EIF2D: variants seen among roughly 807,000 people sequenced by gnomAD.
EIF2D encodes the protein eukaryotic translation initiation factor 2D.
In EIF2D, 56 loss-of-function variants were observed where a neutral mutation model predicts 77.4. That is an observed-to-expected ratio of 0.72 (90% CI 0.58 to 0.90). The LOEUF (loss-of-function observed/expected upper bound fraction) is 0.90. Ranked by LOEUF, EIF2D falls within the 40% of genes least tolerant of loss-of-function variation. The pLI is 0.00. For missense variants in EIF2D, 574 were observed against 706.5 expected (o/e 0.81, Z 2.13); for synonymous variants, 230 against 271.0 (o/e 0.85, Z 1.49).
Position 206,598,889 on chromosome 1 carries a change from C to T in EIF2D, c.1292+114G>A, listed in dbSNP as rs908288278. 8.7e-6 allele frequency: 9 copies of T among 1,035,984 alleles called. No individual in the cohort carries two copies. In the African/African-American group the frequency reaches 9.5e-5, roughly 11 times the overall value. 64.2% of individuals were successfully genotyped at this position (1,035,984 alleles called of 1,614,324 possible). Reference sequence around the variant, plus strand: ...TTTGGAAACCACTGATCTTAATTACCTCTAAGATGCTATGGTTTTCTATTC... The same window carrying T: ...TTTGGAAACCACTGATCTTAATTACTTCTAAGATGCTATGGTTTTCTATTC... On this transcript the variant is annotated intron_variant, in intron 11 of 14. Coordinates refer to ENST00000271764, the MANE Select transcript of EIF2D (RefSeq NM_006893.3).
At chr1:206,593,506 A>AGT (rs1286437460) in intron 14 of EIF2D, 113 bp downstream of exon 14, 145 of 442,736 alleles carry the variant, frequency 3.3e-4, no homozygotes, top group African/African-American at 3.0e-3. Context: ...AGAGAGAGAG[A>AGT]GAGTGTGTGT....
At chr1:206,587,069 C>G (rs1056266621), downstream of EIF2D, 2 of 1,482,842 alleles carry the variant, frequency 1.3e-6, no homozygotes, top group Non-Finnish European at 1.8e-6. Flanking sequence ...CAGGACATCT[C>G]TGGCAGGTGC....
At chr1:206,582,386 T>G (rs1668926039) in intron 2 of EIF2D, among the ~76,000 whole-genome samples, 1 of 152,140 alleles carries the variant, frequency 6.6e-6, no homozygotes, top group South Asian at 2.1e-4. Flanking sequence ...GACCTGGAAT[T>G]TCTGTTTCAT....
chr1:206,583,376 A>G, intron 2 of EIF2D: 5 of 1,605,958 alleles, frequency 3.1e-6, no homozygotes, highest in Non-Finnish European at 4.3e-6. Flanking sequence ...TGGGCATGAA[A>G]CTGGTAAGCG....
intron 12 of EIF2D, among the ~76,000 whole-genome samples, chr1:206,596,615 T>C (rs1026609130): frequency 6.6e-6 from 1 of 152,238 alleles, no homozygotes; most frequent in Non-Finnish European, 1.5e-5. Flanking sequence ...TCCCCAGCCT[T>C]CTTTTGCTTC....
intron 5 of EIF2D, 131 bp from the exon 6 acceptor site, chr1:206,603,335 GA>G: frequency 1.6e-6 from 2 of 1,261,112 alleles, no homozygotes; most frequent in Non-Finnish European, 2.2e-6. Flanking sequence ...AGGGGGCAGA[GA>G]GCCTGTGCCC....
At chr1:206,607,867 T>C (rs1317551506) in intron 4 of EIF2D, among the ~76,000 whole-genome samples, 2 of 152,318 alleles carry the variant, frequency 1.3e-5, no homozygotes, top group East Asian at 3.9e-4. Context: ...GTTAATTTCT[T>C]AGTTGTAATA....
chr1:206,583,442 C>A, intron 2 of EIF2D: 1 of 1,106,608 alleles, frequency 9.0e-7, no homozygotes, highest in Non-Finnish European at 1.4e-6. Context: ...TTTGGCGCCT[C>A]TGCCCTCACT....
intron 2 of EIF2D, chr1:206,585,138 C>T: frequency 6.6e-7 from 1 of 1,520,046 alleles, no homozygotes; most frequent in Non-Finnish European, 9.1e-7. Flanking sequence ...CCCCGCCCTT[C>T]TTTTCTGGGA....
intron 2 of EIF2D, chr1:206,585,983 T>TG (rs1553407569): frequency 6.6e-6 from 1 of 152,260 alleles, no homozygotes; most frequent in Non-Finnish European, 1.5e-5. Context: ...AGAATATGTT[T>TG]GGAAAAAGTA....
chr1:206,598,862 G>A (rs1457674714), intron 11 of EIF2D, 141 bp downstream of exon 11: 13 of 775,566 alleles, frequency 1.7e-5, no homozygotes, highest in African/African-American at 3.5e-5. Context: ...CACAGCCCAT[G>A]GTTTGGAAAC....
intron 11 of EIF2D, among the ~76,000 whole-genome samples, 200 bp downstream of exon 11, chr1:206,598,803 T>C (rs1553410671): frequency 1.3e-5 from 2 of 151,312 alleles, no homozygotes; most frequent in East Asian, 3.9e-4. Context: ...CGGTAGTCAA[T>C]GTTGATCGTA....
chr1:206,607,585 C>T (rs1361659673), intron 4 of EIF2D, among the ~76,000 whole-genome samples: 1 of 151,906 alleles, frequency 6.6e-6, no homozygotes, highest in Non-Finnish European at 1.5e-5. Context: ...AGAGTGAGAT[C>T]CTGTCTGTAT....
chr1:206,610,150 T>C lies in EIF2D; in HGVS notation c.248-691A>G, dbSNP rs532303195. Among the ~76,000 whole-genome samples the C allele has an allele frequency of 1.4e-4, 22 of 152,340 alleles. No individual in the cohort carries two copies. In the East Asian group the frequency reaches 4.0e-3, roughly 28 times the overall value. On this transcript the variant is annotated intron_variant, in intron 2 of 14. Transcript: ENST00000271764. ...CATGAAAACAGCTGGATATGTAGCT[T>C]ATCAATCCAGCTTTATTCCTATCAC...
intron 4 of EIF2D, among the ~76,000 whole-genome samples, chr1:206,578,096 C>T (rs1025328527): frequency 2.1e-5 from 3 of 146,164 alleles, no homozygotes. Flanking sequence ...GAGTGTGGCA[C>T]ATGCTTGTAG....
At position 206,599,547 on chromosome 1, in the gene EIF2D, TC is replaced by T; in HGVS notation, c.1117del (p.Glu373AsnfsTer9). On this transcript the variant is annotated frameshift_variant, in exon 10 of 15. Transcript: ENST00000271764. LOFTEE classifies it high-confidence loss of function. The surrounding 1 kb of genome is among the most constrained non-coding windows in gnomAD (Gnocchi z 4.1). ...TATATCTGGAGGGTGATAGGGCTGT[TC>T]CCTGCTACCCTCCTGGATAGTCTGG... ...TSQTIQEGSR[E>X]QPYHPPDIKP... 1 of 1,611,434 alleles carries T rather than the reference TC, an allele frequency of 6.2e-7. No homozygotes were observed. Among genetic ancestry groups the T allele is most frequent in the Non-Finnish European group, 8.5e-7 (1 of 1,178,668 alleles).
At chr1:206,596,983 G>T in intron 12 of EIF2D, 117 bp downstream of exon 12, 1 of 756,012 alleles carries the variant, frequency 1.3e-6, no homozygotes, top group Non-Finnish European at 2.2e-6. Flanking sequence ...GACTGACTTG[G>T]TATGAATTAC....
In EIF2D at chr1:206,605,114, T is replaced by G. The variant is rs1035829588; in HGVS notation, c.530+286A>C. 2.8e-5 allele frequency: 7 copies of G among 247,682 alleles called. No individual in the cohort carries two copies. In the Admixed American group the frequency reaches 3.6e-4, roughly 13 times the overall value. The allele number at this position is 247,682 out of a possible 1,614,324, so 15.3% of individuals were successfully genotyped here. A position where few individuals can be genotyped will look rare whatever the true frequency, so the allele number is the denominator to read the frequency against. Reference sequence around the variant, plus strand: ...GCTAGGGCCAGATTGACCAGGGCTATAAAAAAACGAGTATCACTGTACTGA... The same window carrying G: ...GCTAGGGCCAGATTGACCAGGGCTAGAAAAAAACGAGTATCACTGTACTGA... On this transcript the variant is annotated intron_variant, in intron 5 of 14. Coordinates refer to ENST00000271764, the MANE Select transcript of EIF2D (RefSeq NM_006893.3).
intron 4 of EIF2D, among the ~76,000 whole-genome samples, chr1:206,573,942 C>T (rs1028306427): frequency 2.0e-5 from 3 of 152,252 alleles, no homozygotes; most frequent in African/African-American, 4.8e-5. Flanking sequence ...TGTGGCCCAG[C>T]GTGCAAGGCA....
Sources: gnomAD v4.1 joint callset for allele counts (sites outside exome capture counted in the v4.1 genomes callset) on GRCh38, gnomAD v4.1.1 for gene constraint, Gnocchi (gnomAD v3.1) non-coding constraint, MANE v1.5 for transcripts, NCBI Gene and HGNC (gene_info 2026-07-23, HGNC 2026-07-21) for gene names.